DDX60: variants seen among roughly 807,000 people sequenced by gnomAD.
The protein encoded by DDX60 is probable ATP-dependent RNA helicase DDX60.
Under a neutral mutation model 212.8 loss-of-function variants are expected in DDX60, and 165 were observed. The observed-to-expected ratio is 0.78, with a 90% CI of 0.68 to 0.88. The LOEUF (loss-of-function observed/expected upper bound fraction) is 0.88. Ranked by LOEUF, DDX60 falls within the 40% of genes least tolerant of loss-of-function variation. The pLI is 0.00. For missense variants in DDX60, 1,905 were observed against 2,003.9 expected (o/e 0.95, Z 0.94); for synonymous variants, 703 against 685.3 (o/e 1.03, Z -0.40).
At chr4:168,280,310 G>A (rs201381724) in intron 14 of DDX60, 25 bp downstream of exon 14, 76 of 1,579,948 alleles carry the variant, frequency 4.8e-5, no homozygotes, top group Admixed American at 2.3e-4. Context: ...CCAACTCACC[G>A]AAATAACAAA....
intron 33 of DDX60, among the ~76,000 whole-genome samples, chr4:168,233,977 A>G (rs190346188): frequency 9.9e-5 from 15 of 152,250 alleles, no homozygotes; most frequent in African/African-American, 2.9e-4. Context: ...AAGAGTTTAT[A>G]TATGTATATA....
At chr4:168,296,168 G>T (rs190697795) in intron 6 of DDX60, among the ~76,000 whole-genome samples, 524 of 152,122 alleles carry the variant, frequency 3.4e-3, no homozygotes, top group African/African-American at 0.011. Context: ...AAAAATGATA[G>T]GTAAGCAAGG....
intron 8 of DDX60, among the ~76,000 whole-genome samples, chr4:168,290,920 C>T (rs1291157228): frequency 1.3e-5 from 2 of 152,062 alleles, no homozygotes; most frequent in Non-Finnish European, 2.9e-5. Flanking sequence ...AAATACTTTC[C>T]TTGAACATTT....
chr4:168,241,259 G>A (rs969245979), intron 30 of DDX60, among the ~76,000 whole-genome samples: 2 of 152,050 alleles, frequency 1.3e-5, no homozygotes, highest in African/African-American at 4.8e-5. Flanking sequence ...CATGAAAACA[G>A]ACTAATACAG....
chr4:168,218,849 T>G (rs1019527423), intron 37 of DDX60, among the ~76,000 whole-genome samples: 1 of 152,202 alleles, frequency 6.6e-6, no homozygotes, highest in East Asian at 1.9e-4. Context: ...TTACCTCATT[T>G]GAGACTCTTT....
chr4:168,258,808 CTTCT>C (rs1734513977), intron 25 of DDX60, among the ~76,000 whole-genome samples: 1 of 152,094 alleles, frequency 6.6e-6, no homozygotes, highest in African/African-American at 2.4e-5. Context: ...TCACTCTGAT[CTTCT>C]TTCTTTTTCT....
Position 168,267,685 on chromosome 4 carries a change from T to A in DDX60, c.2936A>T (p.Tyr979Phe). ...KQSYKVRLVLYGERYNDLEKH... is the reference protein window; with the variant it reads ...KQSYKVRLVLFGERYNDLEKH... ...CTCTAGATCATTATACCTCTCTCCA[T>A]AGAGCACTAAAAATGAAGAACAAGA... Residue 979 changes from tyrosine to phenylalanine, a missense_variant, in exon 22 of 38, where the codon TAT (tyrosine) becomes TTT (phenylalanine). Transcript: ENST00000393743. 6.3e-7 allele frequency: 1 copy of A among 1,583,734 alleles called. No individual in the cohort carries two copies. The highest frequency in any genetic ancestry group is 8.6e-7 in the Non-Finnish European group (1 of 1,166,550).
intron 17 of DDX60, among the ~76,000 whole-genome samples, chr4:168,273,637 A>T (rs1735198066): frequency 6.6e-6 from 1 of 152,252 alleles, no homozygotes; most frequent in Admixed American, 6.5e-5. Flanking sequence ...AGTATTCATC[A>T]GAAGGAAAAA....
intron 13 of DDX60, among the ~76,000 whole-genome samples, chr4:168,280,992 T>G (rs1406023811): frequency 6.6e-6 from 1 of 151,972 alleles, no homozygotes; most frequent in African/African-American, 2.4e-5. Context: ...ATACAAAAAT[T>G]AGCTGGGCAT....
chr4:168,273,426 G>A (rs1735188805), intron 17 of DDX60, 28 bp from the exon 18 acceptor site: 3 of 1,612,110 alleles, frequency 1.9e-6, no homozygotes, highest in Middle Eastern at 1.7e-4. Flanking sequence ...AGATCCATTA[G>A]TCACATAATA....
chr4:168,247,152 T>C (rs1263428331), intron 29 of DDX60, among the ~76,000 whole-genome samples: 1 of 152,232 alleles, frequency 6.6e-6, no homozygotes, highest in Non-Finnish European at 1.5e-5. Context: ...ACAGAGCTTA[T>C]GTTAACTCTT....
Position 168,283,592 on chromosome 4 carries a change from G to C in DDX60, c.1576C>G (p.Pro526Ala), listed in dbSNP as rs774897680. ...RCQFDEKSRD[P>A]RVLRSVQKYH... is the part of the protein sequence containing the mutation. ...TTTTGCACAGATCTAAGAACACGAG[G>C]GTCTCTAGATTTTTCTGAAAAAGAA... Residue 526 changes from proline (P) to alanine (A), a missense_variant, in exon 13 of 38, where the codon CCT becomes GCT. Physicochemically the swap from Pro to Ala is conservative, Grantham distance 27. Transcript: ENST00000393743. 1.3e-6 allele frequency: 2 copies of C among 1,594,954 alleles called. No individual in the cohort carries two copies. Among genetic ancestry groups the C allele is most frequent in the Admixed American group, 1.8e-5 (1 of 56,564 alleles).
At chr4:168,313,203 AG>A (rs1384680225) in intron 1 of DDX60, among the ~76,000 whole-genome samples, 1 of 152,188 alleles carries the variant, frequency 6.6e-6, no homozygotes. Flanking sequence ...CTGTGTTCTG[AG>A]GTTTCAAGAA....
Position 168,311,331 on chromosome 4 carries a change from C to A in DDX60, c.-72G>T. On this transcript the variant is annotated 5_prime_UTR_variant, in exon 2 of 38. Transcript: ENST00000393743. The stretch of plus-strand genomic sequence containing the variant: ...GTAGCAAATACCCTTTATTTTGGTA[C>A]CTCTAAGTGGCAGTTCTTAATGAAA... 6.5e-7 allele frequency: 1 copy of A among 1,534,318 alleles called. No individual in the cohort carries two copies.
upstream of DDX60, among the ~76,000 whole-genome samples, chr4:168,321,149 C>A (rs1014258522): frequency 6.6e-6 from 1 of 151,312 alleles, no homozygotes; most frequent in African/African-American, 2.4e-5. Flanking sequence ...TTTTTTTTTA[C>A]TTTTTCACTT....
At chr4:168,319,753 G>A (rs964876947), upstream of DDX60, among the ~76,000 whole-genome samples, 4 of 152,162 alleles carry the variant, frequency 2.6e-5, no homozygotes, top group Non-Finnish European at 5.9e-5. Context: ...AGGAAAGACA[G>A]CAGTGAATTT....
At chr4:168,254,923 C>T (rs1579004588) in intron 26 of DDX60, among the ~76,000 whole-genome samples, 1 of 152,268 alleles carries the variant, frequency 6.6e-6, no homozygotes, top group East Asian at 1.9e-4. Context: ...AATACCAAAA[C>T]ATTTTGGCAT....
At chr4:168,260,817 G>A (rs770805870) in intron 25 of DDX60, 48 bp downstream of exon 25, 12 of 1,524,352 alleles carry the variant, frequency 7.9e-6, no homozygotes, top group African/African-American at 4.2e-5. Context: ...TTAAAGGAAT[G>A]AGTCTAATAC....
intron 30 of DDX60, among the ~76,000 whole-genome samples, chr4:168,244,247 T>C (rs1733947163): frequency 6.6e-6 from 1 of 152,032 alleles, no homozygotes; most frequent in Admixed American, 6.6e-5. Flanking sequence ...GCCTCAGAAC[T>C]TAAAATAAAA....
Sources: gnomAD v4.1 joint callset for allele counts (sites outside exome capture counted in the v4.1 genomes callset) on GRCh38, gnomAD v4.1.1 for gene constraint, MANE v1.5 for transcripts, NCBI Gene and HGNC (gene_info 2026-07-23, HGNC 2026-07-21) for gene names.